The following GNG7 variants were observed in gnomAD, a reference collection of about 807,000 sequenced individuals.
The protein encoded by GNG7 is guanine nucleotide-binding protein G(I)/G(S)/G(O) subunit gamma-7.
In GNG7, 1 loss-of-function variant was observed where a neutral mutation model predicts 4.0. That is an observed-to-expected ratio of 0.25 (90% CI 0.09 to 1.18). The LOEUF (loss-of-function observed/expected upper bound fraction) is 1.18. GNG7 is among the 50% of genes most tolerant of loss of function. GNG7 has a pLI of 0.50. For synonymous variants in GNG7, 34 were observed against 36.9 expected, an observed-to-expected ratio of 0.92 and a Z score of 0.29; for missense variants, 86 against 91.9, an observed-to-expected ratio of 0.94 and a Z score of 0.26.
intron 1 of GNG7, among the ~76,000 whole-genome samples, chr19:2,683,865 A>G (rs1983805020): frequency 6.6e-6 from 1 of 152,178 alleles, no homozygotes; most frequent in Admixed American, 6.6e-5. Context: ...AGAAACAAGA[A>G]AGGAGCTCCT....
At chr19:2,548,087 T>G (rs1246499064) in intron 3 of GNG7, among the ~76,000 whole-genome samples, 2 of 151,866 alleles carry the variant, frequency 1.3e-5, no homozygotes, top group East Asian at 3.9e-4. Flanking sequence ...AGCCCTGGTG[T>G]TGTTAGAAAG....
chr19:2,536,244 C>T (rs113452118), intron 3 of GNG7, among the ~76,000 whole-genome samples: 1 of 151,896 alleles, frequency 6.6e-6, no homozygotes, highest in African/African-American at 2.4e-5. Context: ...GATGAAATCC[C>T]GTCTCTACTA....
intron 2 of GNG7, among the ~76,000 whole-genome samples, chr19:2,580,605 G>A (rs1486131137): frequency 2.7e-5 from 4 of 150,616 alleles, no homozygotes; most frequent in African/African-American, 4.9e-5. Flanking sequence ...GCCTGGTTCT[G>A]TTTTATTTTA....
intron 1 of GNG7, among the ~76,000 whole-genome samples, chr19:2,692,442 T>C (rs1599464935): frequency 6.6e-6 from 1 of 151,986 alleles, no homozygotes; most frequent in East Asian, 1.9e-4. Flanking sequence ...GAGACCATCC[T>C]GGCTAACACG....
intron 1 of GNG7, among the ~76,000 whole-genome samples, chr19:2,697,301 G>A (rs1246749586): frequency 6.6e-6 from 1 of 152,136 alleles, no homozygotes; most frequent in Non-Finnish European, 1.5e-5. Context: ...GAAGCGTCTC[G>A]GAGCTGCCCA....
At chr19:2,638,783 T>C (rs922761217) in intron 2 of GNG7, among the ~76,000 whole-genome samples, 23 of 152,118 alleles carry the variant, frequency 1.5e-4, no homozygotes, top group Non-Finnish European at 2.5e-4. Context: ...GAATCACCCC[T>C]GCTTCCTCCG....
At chr19:2,608,181 A>G (rs188668942) in intron 2 of GNG7, among the ~76,000 whole-genome samples, 1 of 152,162 alleles carries the variant, frequency 6.6e-6, no homozygotes, top group Non-Finnish European at 1.5e-5. Flanking sequence ...TTTCACACCT[A>G]AAAGTCAGAA....
At chr19:2,581,028 G>C (rs1304299168) in intron 2 of GNG7, among the ~76,000 whole-genome samples, 1 of 152,112 alleles carries the variant, frequency 6.6e-6, no homozygotes, top group African/African-American at 2.4e-5. Flanking sequence ...GCCTCCCAGA[G>C]TGTTGGGATT....
intron 3 of GNG7, among the ~76,000 whole-genome samples, chr19:2,551,458 C>G (rs2089520280): frequency 6.6e-6 from 1 of 151,608 alleles, no homozygotes; most frequent in South Asian, 2.1e-4. Context: ...GGGGCAAAAT[C>G]TAGGGAACGC....
In GNG7 at chr19:2,653,007, C is replaced by T. The variant is rs977371153; in HGVS notation, c.-134-6727G>A. Among the ~76,000 whole-genome samples, 4 of 151,732 alleles carry T rather than the reference C, an allele frequency of 2.6e-5. No homozygotes were observed. The highest frequency in any genetic ancestry group is 1.9e-4 in the East Asian group (1 of 5,152). On this transcript the variant is annotated intron_variant, in intron 1 of 4. Coordinates refer to ENST00000382159, the MANE Select transcript of GNG7 (RefSeq NM_052847.3). The surrounding 1 kb of genome is among the most constrained non-coding windows in gnomAD (Gnocchi z 4.8). ...CTGGGCATGGTGGCTCCAGGGATCA[C>T]GTGAGCCCAGAAGGCAGAGGCTGCA... is the stretch of plus-strand genomic sequence containing the variant.
chr19:2,533,711 T>A (rs528511533), intron 3 of GNG7, among the ~76,000 whole-genome samples: 3 of 152,256 alleles, frequency 2.0e-5, no homozygotes, highest in Admixed American at 2.0e-4. Flanking sequence ...AAACCAGACT[T>A]TCTCACCAAC....
At chr19:2,695,646 T>C (rs1913226851) in intron 1 of GNG7, among the ~76,000 whole-genome samples, 2 of 151,766 alleles carry the variant, frequency 1.3e-5, no homozygotes, top group African/African-American at 4.9e-5. Flanking sequence ...GGCCAGGCCA[T>C]GCAGGACCCT....
At chr19:2,551,764 A>T (rs757505035) in intron 3 of GNG7, among the ~76,000 whole-genome samples, 1 of 151,768 alleles carries the variant, frequency 6.6e-6, no homozygotes, top group Non-Finnish European at 1.5e-5. Flanking sequence ...GCTCACTGCA[A>T]CCTCTGCCTC....
chr19:2,621,238 T>G (rs1981860009), intron 2 of GNG7, among the ~76,000 whole-genome samples: 3 of 152,138 alleles, frequency 2.0e-5, no homozygotes. Context: ...AAAACTTATG[T>G]TGAAGCTGGA....
At chr19:2,568,598 TAG>T (rs1980030288) in intron 2 of GNG7, among the ~76,000 whole-genome samples, 1 of 149,696 alleles carries the variant, frequency 6.7e-6, no homozygotes, top group Non-Finnish European at 1.5e-5. Flanking sequence ...CACACATATA[TAG>T]ACATACACAC....
At chr19:2,563,170 G>A (rs967437918) in intron 2 of GNG7, among the ~76,000 whole-genome samples, 1 of 151,906 alleles carries the variant, frequency 6.6e-6, no homozygotes, top group Non-Finnish European at 1.5e-5. Context: ...GGATGGTCTC[G>A]ATCTCCTGAC....
chr19:2,565,058 T>A (rs1599393773), intron 2 of GNG7, among the ~76,000 whole-genome samples: 1 of 151,908 alleles, frequency 6.6e-6, no homozygotes, highest in African/African-American at 2.4e-5. Context: ...TACAATAAAA[T>A]ATCCGCTAAG....
chr19:2,560,192 C>A (rs1599391311), intron 2 of GNG7, among the ~76,000 whole-genome samples: 1 of 152,136 alleles, frequency 6.6e-6, no homozygotes. Context: ...CAAATACACA[C>A]CAAGCCGGCG....
intron 2 of GNG7, among the ~76,000 whole-genome samples, chr19:2,568,348 TACAC>T (rs370710803): frequency 2.7e-5 from 4 of 148,768 alleles, no homozygotes; most frequent in South Asian, 2.1e-4. Context: ...TAGACATACA[TACAC>T]ACACGTGCAC....
Sources: gnomAD v4.1 joint callset for allele counts (sites outside exome capture counted in the v4.1 genomes callset) on GRCh38, gnomAD v4.1.1 for gene constraint, Gnocchi (gnomAD v3.1) non-coding constraint, MANE v1.5 for transcripts, NCBI Gene and HGNC (gene_info 2026-07-23, HGNC 2026-07-21) for gene names.